Variants in MED13 observed in about 807,000 individuals in gnomAD.
MED13 encodes the protein mediator complex subunit 13, also known as mediator of RNA polymerase II transcription subunit 13.
In MED13, 23 loss-of-function variants were observed where a neutral mutation model predicts 225.2. That is an observed-to-expected ratio of 0.10 (90% CI 0.07 to 0.14). MED13 has a LOEUF of 0.14. MED13 is among the 10% of genes least tolerant of loss of function. The probability of loss-of-function intolerance (pLI) is 1.00; values close to 1 mark genes in which losing one functional copy is unlikely to be tolerated. For synonymous variants in MED13, 942 were observed against 889.2 expected, an observed-to-expected ratio of 1.06 and a Z score of -1.06; for missense variants, 2,197 against 2,594.5, an observed-to-expected ratio of 0.85 and a Z score of 3.33.
At chr17:61,969,360 A>C (rs1328388588) in intron 17 of MED13, among the ~76,000 whole-genome samples, 2 of 149,580 alleles carry the variant, frequency 1.3e-5, no homozygotes, top group African/African-American at 4.9e-5. Flanking sequence ...CTCAAAAACA[A>C]ACAAACAAAA....
chr17:62,031,659 C>G, intron 5 of MED13, 21 bp from the exon 6 acceptor site: 2 of 1,500,064 alleles, frequency 1.3e-6, no homozygotes, highest in Non-Finnish European at 1.8e-6. Context: ...AAAAATGGGA[C>G]AGGAAAACCA....
chr17:61,985,194 G>C, intron 12 of MED13, 104 bp from the exon 13 acceptor site: 2 of 921,540 alleles, frequency 2.2e-6, no homozygotes, highest in Non-Finnish European at 3.3e-6. Context: ...TTCATTAAAA[G>C]TAGTATTTTG....
intron 2 of MED13, among the ~76,000 whole-genome samples, chr17:62,054,006 T>A (rs1370478848): frequency 6.6e-6 from 1 of 152,222 alleles, no homozygotes. Context: ...TTTTTAAATT[T>A]TATTTTAAAT....
chr17:62,016,908 G>A (rs2080587566), intron 8 of MED13, among the ~76,000 whole-genome samples: 1 of 152,006 alleles, frequency 6.6e-6, no homozygotes, highest in Admixed American at 6.6e-5. Context: ...TACTCAGGAG[G>A]CTGAGGCAGG....
chr17:62,052,978 G>A (rs968027118), intron 2 of MED13, among the ~76,000 whole-genome samples: 3 of 152,112 alleles, frequency 2.0e-5, no homozygotes, highest in African/African-American at 7.2e-5. Flanking sequence ...ATACTGAATT[G>A]GTTCCTGTAT....
intron 9 of MED13, among the ~76,000 whole-genome samples, chr17:61,998,446 T>A (rs560025199): frequency 2.0e-5 from 3 of 152,350 alleles, no homozygotes; most frequent in African/African-American, 7.2e-5. Context: ...ACATAGCTTA[T>A]GGTAGCATAT....
In MED13 at chr17:61,982,805, A is replaced by G. The variant is rs564551986; in HGVS notation, c.3198T>C (p.Pro1066=). The G allele has an allele frequency of 6.2e-7, 1 of 1,614,238 alleles. No individual in the cohort carries two copies. Among genetic ancestry groups the G allele is most frequent in the African/African-American group, 1.3e-5 (1 of 75,054 alleles). Residue 1066 remains proline, a synonymous_variant, in exon 16 of 30, where the codon CCT becomes CCC. Coordinates refer to ENST00000397786, the MANE Select transcript of MED13 (RefSeq NM_005121.3). ...SVEPATVPSI[P]EAHSLYVNLI... is the part of the protein sequence containing the mutation. The stretch of plus-strand genomic sequence containing the variant: ...GGTTTACATAAAGACTGTGTGCTTC[A>G]GGGATGGAAGGGACAGTTGCAGGTT...
At chr17:61,998,261 GAC>G (rs1891848639) in intron 9 of MED13, among the ~76,000 whole-genome samples, 1 of 152,060 alleles carries the variant, frequency 6.6e-6, no homozygotes, top group East Asian at 1.9e-4. Flanking sequence ...ATTAACTACA[GAC>G]ACAGTTTCAA....
chr17:61,977,194 A>G (rs1374156972), intron 16 of MED13, among the ~76,000 whole-genome samples: 2 of 152,196 alleles, frequency 1.3e-5, no homozygotes, highest in Non-Finnish European at 2.9e-5. Flanking sequence ...AATAAATTTT[A>G]TTATGTTAGA....
chr17:62,021,311 C>G (rs1289150608), intron 8 of MED13, among the ~76,000 whole-genome samples: 1 of 140,148 alleles, frequency 7.1e-6, no homozygotes, highest in African/African-American at 2.6e-5. Context: ...GCTGGCCGGG[C>G]GGGGGGCTGA....
Position 62,002,886 on chromosome 17 carries a change from A to G in MED13, c.1968-7521T>C, listed in dbSNP as rs73334698. Among the ~76,000 whole-genome samples the G allele has an allele frequency of 3.8e-3, 582 of 152,338 alleles. 4 individuals are homozygous for G. The highest frequency in any genetic ancestry group is 0.013 in the African/African-American group (546 of 41,574). On this transcript the variant is annotated intron_variant, in intron 9 of 29. Transcript: ENST00000397786. ...TCTGTTACAAGTTATTCATTATATT[A>G]AAGTACCTTAACACTTCTAACACTT...
intron 2 of MED13, among the ~76,000 whole-genome samples, chr17:62,056,981 G>A (rs897051287): frequency 6.6e-6 from 1 of 151,918 alleles, no homozygotes; most frequent in Non-Finnish European, 1.5e-5. Flanking sequence ...TAGTGCCAAA[G>A]TATGTGATAA....
At chr17:62,012,288 A>C (rs2080517685) in intron 8 of MED13, among the ~76,000 whole-genome samples, 1 of 151,686 alleles carries the variant, frequency 6.6e-6, no homozygotes, top group Non-Finnish European at 1.5e-5. Context: ...ACTCAATGAG[A>C]GATATATATA....
At chr17:61,948,352 T>C (rs113956308) in intron 28 of MED13, among the ~76,000 whole-genome samples, 2 of 152,294 alleles carry the variant, frequency 1.3e-5, no homozygotes, top group Non-Finnish European at 2.9e-5. Flanking sequence ...AAATACTGAG[T>C]AGGAAAAGCT....
At chr17:61,971,861 G>C (rs1482800079) in intron 17 of MED13, among the ~76,000 whole-genome samples, 1 of 152,064 alleles carries the variant, frequency 6.6e-6, no homozygotes, top group African/African-American at 2.4e-5. Flanking sequence ...GTGAACCCAG[G>C]AGGCGGAGGT....
intron 4 of MED13, among the ~76,000 whole-genome samples, chr17:62,034,495 A>G (rs1253840155): frequency 1.3e-5 from 2 of 151,896 alleles, no homozygotes; most frequent in Non-Finnish European, 2.9e-5. Context: ...TCAAAAAAAA[A>G]AAAAAAAAAA....
rs532654939 is a variant in MED13, at chr17:61,965,525, T to A, written c.4382-57A>T. On this transcript the variant is annotated intron_variant, in intron 19 of 29. Transcript: ENST00000397786. ...TCTTTATTTCACTGACTGGTTTTTT[T>A]AAATTCTACTGTGTAAACAGAATCA... 3.0e-5 allele frequency: 43 copies of A among 1,455,602 alleles called. No individual in the cohort carries two copies. The Middle Eastern group carries it at 1.1e-3, about 37-fold the overall frequency. 90.2% of individuals were successfully genotyped at this position (1,455,602 alleles called of 1,614,324 possible). A position where few individuals can be genotyped will look rare whatever the true frequency, so the allele number is the denominator to read the frequency against.
At chr17:62,048,608 A>G (rs1320623683) in intron 3 of MED13, among the ~76,000 whole-genome samples, 1 of 152,056 alleles carries the variant, frequency 6.6e-6, no homozygotes, top group Non-Finnish European at 1.5e-5. Flanking sequence ...AAATTTAACC[A>G]CTATGTAAGT....
At chr17:61,984,601 T>C in intron 14 of MED13, 50 bp downstream of exon 14, 2 of 1,471,124 alleles carry the variant, frequency 1.4e-6, no homozygotes, top group Non-Finnish European at 1.8e-6. Flanking sequence ...AAATTAATTC[T>C]ATAAGAAAAT....
Sources: gnomAD v4.1 joint callset for allele counts (sites outside exome capture counted in the v4.1 genomes callset) on GRCh38, gnomAD v4.1.1 for gene constraint, MANE v1.5 for transcripts, NCBI Gene and HGNC (gene_info 2026-07-23, HGNC 2026-07-21) for gene names.